The following SARNP variants were observed in gnomAD, a reference collection of about 807,000 sequenced individuals.
The protein encoded by SARNP is SAP domain-containing ribonucleoprotein.
In SARNP, 5 loss-of-function variants were observed where a neutral mutation model predicts 38.1. That is an observed-to-expected ratio of 0.13 (90% CI 0.07 to 0.28). SARNP has a LOEUF of 0.28. SARNP is among the 10% of genes least tolerant of loss of function. The probability of loss-of-function intolerance (pLI) is 1.00; values close to 1 mark genes in which losing one functional copy is unlikely to be tolerated. For synonymous variants in SARNP, 84 were observed against 80.6 expected, an observed-to-expected ratio of 1.04 and a Z score of -0.23; for missense variants, 180 against 243.9, an observed-to-expected ratio of 0.74 and a Z score of 1.75.
intron 9 of SARNP, among the ~76,000 whole-genome samples, chr12:55,774,698 T>C (rs1592561870): frequency 6.7e-6 from 1 of 148,624 alleles, no homozygotes; most frequent in South Asian, 2.1e-4. Flanking sequence ...CAGTGGGAGG[T>C]TCCAGCTTGG....
intron 1 of SARNP, among the ~76,000 whole-genome samples, chr12:55,813,010 G>A (rs937898074): frequency 4.6e-5 from 7 of 151,680 alleles, no homozygotes; most frequent in Admixed American, 1.3e-4. Context: ...GCAATGGCGC[G>A]ATCTCGGCTC....
intron 9 of SARNP, among the ~76,000 whole-genome samples, chr12:55,772,953 G>T (rs1879055307): frequency 6.6e-6 from 1 of 152,118 alleles, no homozygotes; most frequent in South Asian, 2.1e-4. Flanking sequence ...AATCTCAGGT[G>T]ATCTGCCCGC....
rs1592558197 is a variant in SARNP at position 55,768,548 on chromosome 12, T to C, written c.502-7908A>G. On this transcript the variant is annotated intron_variant, in intron 9 of 10. Transcript: ENST00000336133. ...CATGAGATTCTCCTGCCTCAGCCTC[T>C]GGAGTAGCTGGGATTACAGGTGCCC... Among the ~76,000 whole-genome samples the C allele has an allele frequency of 2.0e-5, 3 of 151,296 alleles. No individual in the cohort carries two copies. The South Asian group carries it at 6.3e-4, about 32-fold the overall frequency.
chr12:55,813,786 C>T (rs1036602011), intron 1 of SARNP, among the ~76,000 whole-genome samples: 8 of 151,958 alleles, frequency 5.3e-5, no homozygotes, highest in South Asian at 4.2e-4. Context: ...TCAGGTGATC[C>T]GCCTGCCTCG....
chr12:55,774,573 AAC>A (rs560653268), intron 9 of SARNP, among the ~76,000 whole-genome samples: 3 of 62,456 alleles, frequency 4.8e-5, no homozygotes, highest in South Asian at 8.1e-4. Flanking sequence ...AAAAAAAAAA[AAC>A]AAACAAAAAA....
intron 7 of SARNP, 64 bp downstream of exon 7, chr12:55,794,295 C>T (rs764635288): frequency 7.9e-6 from 11 of 1,386,736 alleles, no homozygotes; most frequent in East Asian, 4.6e-5. Context: ...AGAAATAAAA[C>T]CTGTTATACC....
chr12:55,800,670 G>T, intron 3 of SARNP, 41 bp from the exon 4 acceptor site: 2 of 1,494,498 alleles, frequency 1.3e-6, no homozygotes, highest in Non-Finnish European at 1.8e-6. Context: ...TAAATCTAAA[G>T]AATAAATATC....
At chr12:55,811,991 T>G (rs1320280160) in intron 1 of SARNP, among the ~76,000 whole-genome samples, 2 of 152,122 alleles carry the variant, frequency 1.3e-5, no homozygotes, top group African/African-American at 4.8e-5. Flanking sequence ...AGTAACAGAG[T>G]GATCTTTTGA....
rs4016515 is a variant in SARNP at position 55,787,241 on chromosome 12, T to TA, written c.501+1833dup. On this transcript the variant is annotated intron_variant, in intron 9 of 10. Transcript: ENST00000336133. ...AGTGAGAACTTGTCTCAAAAAAGACTAAAAAAAAAAAAAAAAGTTAACGTA... is the reference window on the plus strand; with the variant it reads ...AGTGAGAACTTGTCTCAAAAAAGACTAAAAAAAAAAAAAAAAAGTTAACGTA... Among the ~76,000 whole-genome samples the TA allele has an allele frequency of 2.6e-3, 269 of 103,360 alleles. 1 individual carries two copies. Among genetic ancestry groups the TA allele is most frequent in the East Asian group, 0.015 (55 of 3,720 alleles). 67.8% of individuals were successfully genotyped at this position (103,360 alleles called of 152,430 possible). A position where few individuals can be genotyped will look rare whatever the true frequency, so the allele number is the denominator to read the frequency against.
At chr12:55,798,315 C>T (rs984300117) in intron 4 of SARNP, among the ~76,000 whole-genome samples, 12 of 151,972 alleles carry the variant, frequency 7.9e-5, no homozygotes, top group Admixed American at 3.3e-4. Flanking sequence ...CTGGCAAACA[C>T]GGCGAAACCC....
intron 1 of SARNP, among the ~76,000 whole-genome samples, chr12:55,812,740 A>G (rs147976646): frequency 6.6e-6 from 1 of 152,250 alleles, no homozygotes; most frequent in African/African-American, 2.4e-5. Context: ...AAATTCTACT[A>G]CATCCTAAAT....
chr12:55,796,107 A>G lies in SARNP; in HGVS notation c.252-31T>C. On this transcript the variant is annotated intron_variant, in intron 4 of 10. Coordinates refer to ENST00000336133, the MANE Select transcript of SARNP (RefSeq NM_033082.4). ...AAAGAAAGAGATTTTTTAAAATGAG[A>G]AAACTGATATTCTAAACCACAACCT... 4.1e-6 allele frequency: 6 copies of G among 1,477,466 alleles called. 1 individual carries two copies. The South Asian group carries it at 6.8e-5, about 17-fold the overall frequency. The allele number at this position is 1,477,466 out of a possible 1,614,324, so 91.5% of individuals were successfully genotyped here. A position where few individuals can be genotyped will look rare whatever the true frequency, so the allele number is the denominator to read the frequency against.
chr12:55,800,735 T>C lies in SARNP; in HGVS notation c.184-106A>G, dbSNP rs116307823. ...ATAAACCAGTCTCTCAGAACCTTCATACCCATCTTATGCTCCCCTAATAAA... is the reference window on the plus strand; with the variant it reads ...ATAAACCAGTCTCTCAGAACCTTCACACCCATCTTATGCTCCCCTAATAAA... On this transcript the variant is annotated intron_variant, in intron 3 of 10. Coordinates refer to ENST00000336133, the MANE Select transcript of SARNP (RefSeq NM_033082.4). The C allele has an allele frequency of 6.9e-4, 867 of 1,258,308 alleles. 3 individuals carry two copies. The African/African-American group carries it at 0.011, about 16-fold the overall frequency. The allele number at this position is 1,258,308 out of a possible 1,614,324, so 77.9% of individuals were successfully genotyped here.
At chr12:55,809,794 C>T (rs1384206900) in intron 1 of SARNP, among the ~76,000 whole-genome samples, 1 of 150,962 alleles carries the variant, frequency 6.6e-6, no homozygotes, top group Non-Finnish European at 1.5e-5. Context: ...TATAAGGATA[C>T]TAACATTAAT....
intron 10 of SARNP, 69 bp downstream of exon 10, chr12:55,760,482 T>C: frequency 1.2e-6 from 1 of 868,450 alleles, no homozygotes; most frequent in South Asian, 1.4e-5. Flanking sequence ...GGAAACAATA[T>C]TTCTCCATTC....
At chr12:55,799,542 TTA>T (rs1469241158) in intron 4 of SARNP, among the ~76,000 whole-genome samples, 1 of 144,932 alleles carries the variant, frequency 6.9e-6, no homozygotes, top group Non-Finnish European at 1.5e-5. Context: ...CAAAACTCCT[TTA>T]TATAGAGTGT....
At chr12:55,783,582 TG>T (rs1879401879) in intron 9 of SARNP, among the ~76,000 whole-genome samples, 1 of 103,254 alleles carries the variant, frequency 9.7e-6, no homozygotes, top group African/African-American at 3.8e-5. Flanking sequence ...TAGGGGAGGC[TG>T]GGGGGAGGTG....
At position 55,803,647 on chromosome 12, in the gene SARNP, C is replaced by T; in HGVS notation, c.118G>A (p.Ala40Thr). Residue 40 changes from alanine (A) to threonine (T), a missense_variant, in exon 2 of 11, where the codon GCA becomes ACA. By Grantham distance (58) the Ala-to-Thr change is moderately conservative (BLOSUM62 0). Around this residue, in one of 2 missense-constraint regions of SARNP, gnomAD observed 161 missense variants for 194.1 expected, o/e 0.83. Coordinates refer to ENST00000336133, the MANE Select transcript of SARNP (RefSeq NM_033082.4). Reference sequence around the variant, plus strand: ...TACTCACCATGTTCTTCAAGATATGCCTGGAGTCTGTGGATAAGATCTTGC... The same window carrying T: ...TACTCACCATGTTCTTCAAGATATGTCTGGAGTCTGTGGATAAGATCTTGC... Reference protein sequence around the residue: ...IKQDLIHRLQAYLEEHAEEEA... With the variant: ...IKQDLIHRLQTYLEEHAEEEA... 2 of 1,611,818 alleles carry T rather than the reference C, an allele frequency of 1.2e-6. No homozygotes were observed. Among genetic ancestry groups the T allele is most frequent in the South Asian group, 2.2e-5 (2 of 90,976 alleles).
chr12:55,776,400 T>C (rs1159281027), intron 9 of SARNP, among the ~76,000 whole-genome samples: 1 of 152,116 alleles, frequency 6.6e-6, no homozygotes, highest in Non-Finnish European at 1.5e-5. Flanking sequence ...GACACGGCAC[T>C]CTATAAGTGA....
Sources: gnomAD v4.1 joint callset for allele counts (sites outside exome capture counted in the v4.1 genomes callset) on GRCh38, gnomAD v4.1.1 for gene constraint, gnomAD v4.1.1 regional missense constraint, MANE v1.5 for transcripts, NCBI Gene and HGNC (gene_info 2026-07-23, HGNC 2026-07-21) for gene names.